Variants in STAB2 observed in about 807,000 individuals in gnomAD.
STAB2 encodes stabilin 2.
In STAB2, 288 loss-of-function variants were observed where a neutral mutation model predicts 338.1. That is an observed-to-expected ratio of 0.85 (90% CI 0.77 to 0.94). The LOEUF is 0.94. Ranked by LOEUF, STAB2 falls within the 40% of genes least tolerant of loss-of-function variation. The pLI is 0.00. For synonymous variants in STAB2, 1,202 were observed against 1,193.3 expected (o/e 1.01, Z -0.15); for missense variants, 3,141 against 3,210.1 (o/e 0.98, Z 0.52).
chr12:103,648,375 A>G (rs1873486675), intron 9 of STAB2, among the ~76,000 whole-genome samples: 1 of 152,188 alleles, frequency 6.6e-6, no homozygotes, highest in African/African-American at 2.4e-5. Flanking sequence ...CACATTTATT[A>G]TATTAAATAT....
chr12:103,754,468 T>C (rs1353606690), intron 61 of STAB2, among the ~76,000 whole-genome samples: 1 of 152,044 alleles, frequency 6.6e-6, no homozygotes, highest in Admixed American at 6.6e-5. Flanking sequence ...CCTCATAGGG[T>C]TGATTGAGAG....
At position 103,650,514 on chromosome 12, in the gene STAB2, C is replaced by G; in HGVS notation, c.1193C>G (p.Pro398Arg). The change falls in exon 11 of 69, where the codon CCA becomes CGA. Residue 398 changes from proline (P) to arginine (R), a missense_variant. Pro to Arg is a moderately radical substitution (Grantham distance 103). Transcript: ENST00000388887. ...ISLLDKAYAW[P>R]LSKLGPFTVL... is the part of the protein sequence containing the mutation. ...TCCTAAGACAAAGCTTATGCCTGGCCACTGAGTAAGCTGGGACCCTTCACG... is the reference window on the plus strand; with the variant it reads ...TCCTAAGACAAAGCTTATGCCTGGCGACTGAGTAAGCTGGGACCCTTCACG... The G allele has an allele frequency of 6.2e-7, 1 of 1,613,232 alleles. No homozygotes were observed. The highest frequency in any genetic ancestry group is 8.5e-7 in the Non-Finnish European group (1 of 1,179,322).
chr12:103,758,164 C>T lies in STAB2; in HGVS notation c.6988-6C>T. ...GCCCCTCTGATGACTTCCTTCTTCT[C>T]CCCAGGAAGTGCTGGCCTATTCCAA... On this transcript the variant is annotated splice_region_variant and splice_polypyrimidine_tract_variant and intron_variant, in intron 63 of 68. Coordinates refer to ENST00000388887, the MANE Select transcript of STAB2 (RefSeq NM_017564.10). 6.2e-7 allele frequency: 1 copy of T among 1,613,982 alleles called. No homozygotes were observed. Among genetic ancestry groups the T allele is most frequent in the Non-Finnish European group, 8.5e-7 (1 of 1,180,006 alleles).
chr12:103,662,772 G>T, intron 17 of STAB2, 74 bp from the exon 18 acceptor site: 1 of 1,538,088 alleles, frequency 6.5e-7, no homozygotes, highest in Non-Finnish European at 8.8e-7. Context: ...CCACCATTCA[G>T]TCTGCCTGAG....
chr12:103,702,686 G>C (rs894307310), intron 34 of STAB2, among the ~76,000 whole-genome samples: 3 of 152,204 alleles, frequency 2.0e-5, no homozygotes, highest in Admixed American at 1.3e-4. Context: ...CATACTGAAA[G>C]GAACAGTTGC....
rs930623020 is a variant in STAB2 at position 103,650,590 on chromosome 12, A to G, written c.1257+12A>G. ...TGAAAGGATTCAATGTGAGTATTTA[A>G]AATGACCCTACACCAAGGGGCTAAT... On this transcript the variant is annotated intron_variant, in intron 11 of 68. Transcript: ENST00000388887. 1.2e-6 allele frequency: 2 copies of G among 1,609,934 alleles called. No individual in the cohort carries two copies. The highest frequency in any genetic ancestry group is 2.7e-5 in the African/African-American group (2 of 74,814).
At chr12:103,662,308 G>A (rs1412088653) in intron 17 of STAB2, among the ~76,000 whole-genome samples, 1 of 152,168 alleles carries the variant, frequency 6.6e-6, no homozygotes, top group Admixed American at 6.5e-5. Flanking sequence ...GCAACCAGAA[G>A]AATGAAGCTG....
intron 18 of STAB2, among the ~76,000 whole-genome samples, chr12:103,665,444 A>G (rs544948344): frequency 2.6e-5 from 4 of 152,306 alleles, no homozygotes; most frequent in African/African-American, 4.8e-5. Flanking sequence ...AAGGAAACGA[A>G]TAAGTTTTGC....
At chr12:103,700,008 C>G (rs1878723886) in intron 34 of STAB2, among the ~76,000 whole-genome samples, 1 of 152,124 alleles carries the variant, frequency 6.6e-6, no homozygotes, top group African/African-American at 2.4e-5. Flanking sequence ...AGCCAGCAGC[C>G]AAGTGTATTA....
intron 3 of STAB2, among the ~76,000 whole-genome samples, chr12:103,604,802 A>G (rs890639819): frequency 1.3e-5 from 2 of 150,904 alleles, no homozygotes; most frequent in Non-Finnish European, 3.0e-5. Flanking sequence ...TTTTGGTTTC[A>G]TTTATTTACT....
Position 103,729,306 on chromosome 12 carries a change from G to A in STAB2, c.5082+311G>A, listed in dbSNP as rs528898624. The stretch of plus-strand genomic sequence containing the variant: ...TCTACAACAAACCCCCATGACACAA[G>A]TTTACCTGTGTAGCAAACCTGCATA... On this transcript the variant is annotated intron_variant, in intron 48 of 68. Coordinates refer to ENST00000388887, the MANE Select transcript of STAB2 (RefSeq NM_017564.10). Among the ~76,000 whole-genome samples, 7 of 151,990 alleles carry A rather than the reference G, an allele frequency of 4.6e-5. No homozygotes were observed. The East Asian group carries it at 1.4e-3, about 29-fold the overall frequency.
chr12:103,619,009 G>A (rs753386743), intron 3 of STAB2, among the ~76,000 whole-genome samples: 11 of 152,128 alleles, frequency 7.2e-5, no homozygotes, highest in East Asian at 5.8e-4. Context: ...GCCTGCTGCC[G>A]TGTAAGACGT....
intron 15 of STAB2, chr12:103,657,746 T>C (rs1874301304): frequency 6.6e-6 from 1 of 152,236 alleles, no homozygotes; most frequent in South Asian, 2.1e-4. Context: ...CATTTCAATT[T>C]CTAGGTGAGA....
Position 103,673,952 on chromosome 12 carries a change from A to G in STAB2, c.2417A>G (p.Asp806Gly). The change falls in exon 23 of 69, where the codon GAT becomes GGT. Residue 806 changes from aspartate to glycine, a missense_variant. Physicochemically the swap from Asp to Gly is moderately conservative, Grantham distance 94. Coordinates refer to ENST00000388887, the MANE Select transcript of STAB2 (RefSeq NM_017564.10). The stretch of plus-strand genomic sequence containing the variant: ...ACATGCAATAACAGGATAGACAGCG[A>G]TGGGGCCTGCCTCACTGGCACATGC... ...HGTCNNRIDS[D>G]GACLTGTCRD... 1.2e-6 allele frequency: 2 copies of G among 1,614,012 alleles called. No individual in the cohort carries two copies. Among genetic ancestry groups the G allele is most frequent in the Non-Finnish European group, 8.5e-7 (1 of 1,179,992 alleles).
intron 9 of STAB2, 93 bp downstream of exon 9, chr12:103,640,349 C>T: frequency 1.3e-6 from 2 of 1,513,370 alleles, no homozygotes; most frequent in Admixed American, 1.8e-5. Flanking sequence ...GGAAATGTGT[C>T]TTATTCAGCC....
chr12:103,636,867 AG>A (rs1393043366), intron 6 of STAB2, among the ~76,000 whole-genome samples: 2 of 152,240 alleles, frequency 1.3e-5, no homozygotes, highest in Non-Finnish European at 2.9e-5. Flanking sequence ...ATATTTTAAC[AG>A]GATTCTATTT....
intron 5 of STAB2, 40 bp from the exon 6 acceptor site, chr12:103,631,558 C>G (rs1957462729): frequency 6.4e-7 from 1 of 1,572,896 alleles, no homozygotes; most frequent in Non-Finnish European, 8.8e-7. Context: ...TAGCAACAGT[C>G]TATGTCAGGT....
chr12:103,689,459 G>GGT (rs753510326), intron 28 of STAB2, among the ~76,000 whole-genome samples: 2 of 150,924 alleles, frequency 1.3e-5, no homozygotes, highest in Non-Finnish European at 2.9e-5. Flanking sequence ...CTCCAGCTTG[G>GGT]GTGACAGAGT....
Position 103,677,547 on chromosome 12 carries a change from G to A in STAB2, c.2741G>A (p.Cys914Tyr). ...AGAGACTGCTCGGAGATCAACAACT[G>A]CCTGCTGCCCAGTGCAGGCGGCTGC... ...NGRDCSEINN[C>Y]LLPSAGGCHD... The change falls in exon 25 of 69, where the codon TGC becomes TAC. Residue 914 changes from cysteine (C) to tyrosine (Y), a missense_variant. By Grantham distance (194) the Cys-to-Tyr change is radical (BLOSUM62 -2). Coordinates refer to ENST00000388887, the MANE Select transcript of STAB2 (RefSeq NM_017564.10). 1 of 1,614,220 alleles carries A rather than the reference G, an allele frequency of 6.2e-7. No homozygotes were observed. The highest frequency in any genetic ancestry group is 1.1e-5 in the South Asian group (1 of 91,084).
Sources: allele counts gnomAD v4.1 joint callset (sites outside exome capture counted in the v4.1 genomes callset), GRCh38; gene constraint gnomAD v4.1.1; transcripts MANE v1.5; gene names NCBI Gene and HGNC (gene_info 2026-07-23, HGNC 2026-07-21).